The following DENND1A variants were observed in gnomAD, a reference collection of about 807,000 sequenced individuals.
The protein encoded by DENND1A is DENN domain-containing protein 1A.
DENND1A carries 51 observed loss-of-function variants against 113.7 expected under a neutral mutation model. That is an observed-to-expected ratio of 0.45 (90% confidence interval 0.36 to 0.57). The LOEUF is 0.57. DENND1A is among the 20% of genes least tolerant of loss of function. The pLI is 0.00. For missense variants in DENND1A, 1,258 were observed against 1,395.9 expected (o/e 0.90, Z 1.57); for synonymous variants, 565 against 570.8 (o/e 0.99, Z 0.14).
intron 13 of DENND1A, chr9:123,485,652 G>GCACACA (rs2050773470): frequency 6.2e-5 from 1 of 16,160 alleles, no homozygotes; most frequent in Non-Finnish European, 2.4e-4. Flanking sequence ...ACACGCGCGC[G>GCACACA]CGCGCACACA....
At chr9:123,644,176 A>G (rs2062174908) in intron 9 of DENND1A, among the ~76,000 whole-genome samples, 1 of 152,148 alleles carries the variant, frequency 6.6e-6, no homozygotes, top group South Asian at 2.1e-4. Flanking sequence ...AACGAATGAA[A>G]AAAATGATCA....
chr9:123,513,766 G>A (rs975390086), intron 13 of DENND1A, among the ~76,000 whole-genome samples: 1 of 152,230 alleles, frequency 6.6e-6, no homozygotes, highest in East Asian at 1.9e-4. Flanking sequence ...GGTCAATCCA[G>A]ATGGATTTAC....
chr9:123,511,399 CCACAGTG>C (rs1160407131), intron 13 of DENND1A, among the ~76,000 whole-genome samples: 6 of 151,990 alleles, frequency 3.9e-5, no homozygotes, highest in Non-Finnish European at 8.8e-5. Context: ...GCACCTGCTG[CCACAGTG>C]CACAGTGCAG....
chr9:123,392,278 G>A (rs561536917), intron 21 of DENND1A, among the ~76,000 whole-genome samples: 34 of 152,264 alleles, frequency 2.2e-4, no homozygotes, highest in Admixed American at 2.0e-3. Flanking sequence ...TCAGCAGCAC[G>A]TCACGCTGGC....
intron 13 of DENND1A, among the ~76,000 whole-genome samples, chr9:123,507,757 G>A (rs999236334): frequency 1.3e-5 from 2 of 151,498 alleles, no homozygotes; most frequent in Non-Finnish European, 2.9e-5. Flanking sequence ...TTGGGGGGCT[G>A]AGGCTGTAGT....
At chr9:123,845,691 A>AAAAAAAAAAC (rs1842510255) in intron 2 of DENND1A, among the ~76,000 whole-genome samples, 1 of 149,450 alleles carries the variant, frequency 6.7e-6, no homozygotes, top group South Asian at 2.1e-4. Flanking sequence ...AAAAAAAAAA[A>AAAAAAAAAAC]AAAAGAGGAA....
intron 9 of DENND1A, among the ~76,000 whole-genome samples, chr9:123,639,777 C>CAAAAAAAA (rs199515973): frequency 6.1e-5 from 7 of 115,664 alleles, no homozygotes; most frequent in East Asian, 3.6e-4. Flanking sequence ...AACTCCATCT[C>CAAAAAAAA]AAAAAAAAAA....
At chr9:123,725,291 C>G (rs1357018104) in intron 5 of DENND1A, among the ~76,000 whole-genome samples, 1 of 152,172 alleles carries the variant, frequency 6.6e-6, no homozygotes, top group Non-Finnish European at 1.5e-5. Context: ...ATTTATGAAG[C>G]CTTTTAAAAC....
At chr9:123,413,744 G>A (rs1007554575) in intron 19 of DENND1A, 3 of 985,372 alleles carry the variant, frequency 3.0e-6, no homozygotes, top group African/African-American at 3.5e-5. Context: ...CCGGGAGTTG[G>A]GGGTGCTGCC....
At chr9:123,689,491 G>A (rs2065030662) in intron 5 of DENND1A, among the ~76,000 whole-genome samples, 1 of 151,954 alleles carries the variant, frequency 6.6e-6, no homozygotes. Context: ...CAATTTTTTT[G>A]GTAATATATT....
At chr9:123,720,670 A>G (rs1350724906) in intron 5 of DENND1A, among the ~76,000 whole-genome samples, 2 of 152,214 alleles carry the variant, frequency 1.3e-5, no homozygotes, top group Non-Finnish European at 2.9e-5. Context: ...TAACTTTATC[A>G]TTGCCAACAC....
chr9:123,664,181 G>C (rs923516638), intron 8 of DENND1A, among the ~76,000 whole-genome samples: 1 of 152,180 alleles, frequency 6.6e-6, no homozygotes, highest in South Asian at 2.1e-4. Flanking sequence ...TACTGTTTAA[G>C]TAATAATTAT....
intron 13 of DENND1A, among the ~76,000 whole-genome samples, chr9:123,535,752 G>T (rs997892086): frequency 6.6e-6 from 1 of 152,132 alleles, no homozygotes; most frequent in Admixed American, 6.5e-5. Flanking sequence ...CACCTCCCCT[G>T]GCTTTGCTAC....
rs1009642540 is a variant in DENND1A at position 123,553,406 on chromosome 9, C to CG, written c.993+4163_993+4164insC. On this transcript the variant is annotated intron_variant, in intron 13 of 23. Transcript: ENST00000394215. ...ATTTGCCTTTTTAAAAGCCGCCCCC[C>CG]CCCCGCTCCTCATCCCTCCGTGATT... Among the ~76,000 whole-genome samples, 66 of 151,210 alleles carry CG rather than the reference C, an allele frequency of 4.4e-4. No individual in the cohort carries two copies. The East Asian group carries it at 0.01, about 23-fold the overall frequency.
At chr9:123,742,607 G>C (rs969534795) in intron 5 of DENND1A, among the ~76,000 whole-genome samples, 3 of 152,194 alleles carry the variant, frequency 2.0e-5, no homozygotes, top group African/African-American at 7.2e-5. Flanking sequence ...CAAAGGGCTT[G>C]AGTGGGGAAG....
At chr9:123,448,347 A>G (rs1014251116) in intron 18 of DENND1A, among the ~76,000 whole-genome samples, 10 of 152,234 alleles carry the variant, frequency 6.6e-5, no homozygotes, top group Non-Finnish European at 1.0e-4. Flanking sequence ...GATTTTCCTA[A>G]GGCCAGAGGC....
At chr9:123,630,225 T>C (rs2061416558) in intron 10 of DENND1A, 151 bp downstream of exon 10, 1 of 273,684 alleles carries the variant, frequency 3.7e-6, no homozygotes, top group South Asian at 1.7e-4. Flanking sequence ...TTTTTTTTTT[T>C]TGTACAGATG....
At position 123,745,158 on chromosome 9, in the gene DENND1A, G is replaced by A. The variant is rs778038552; in HGVS notation, c.302+12545C>T. On this transcript the variant is annotated intron_variant, in intron 5 of 23. Transcript: ENST00000394215. ...GACAGAGTAAATGGAGTAATCAGAA[G>A]CTCATTTCCAAATCAGGAGGACTGG... 1.6e-4 allele frequency among the ~76,000 whole-genome samples: 25 copies of A among 152,246 alleles called. No individual in the cohort carries two copies. The East Asian group carries it at 2.9e-3, about 18-fold the overall frequency.
At chr9:123,589,611 T>A (rs1459733881) in intron 11 of DENND1A, among the ~76,000 whole-genome samples, 1 of 89,512 alleles carries the variant, frequency 1.1e-5, no homozygotes, top group Admixed American at 1.7e-4. Flanking sequence ...TGCAAACCCT[T>A]CCCCCCACCA....
Sources: gnomAD v4.1 joint callset for allele counts (sites outside exome capture counted in the v4.1 genomes callset) on GRCh38, gnomAD v4.1.1 for gene constraint, MANE v1.5 for transcripts, NCBI Gene and HGNC (gene_info 2026-07-23, HGNC 2026-07-21) for gene names.